The following GNG2 variants were observed in gnomAD, a reference collection of about 807,000 sequenced individuals.
The protein encoded by GNG2 is G protein subunit gamma 2.
GNG2 carries 5 observed loss-of-function variants against 5.5 expected under a neutral mutation model. That is an observed-to-expected ratio of 0.91 (90% confidence interval 0.48 to 1.92). GNG2 has a LOEUF of 1.92. GNG2 is among the 30% of genes most tolerant of loss of function. GNG2 has a pLI of 0.01. For synonymous variants in GNG2, 28 were observed against 32.0 expected (o/e 0.88, Z 0.42); for missense variants, 55 against 88.4 (o/e 0.62, Z 1.52).
intron 1 of GNG2, 108 bp from the exon 2 acceptor site, chr14:51,877,509 C>G: frequency 2.4e-6 from 1 of 423,750 alleles, no homozygotes; most frequent in Non-Finnish European, 4.7e-6. Flanking sequence ...ATTGCCATTA[C>G]CACCCACCCC....
At chr14:51,886,947 G>A (rs12894908) in intron 2 of GNG2, among the ~76,000 whole-genome samples, 15,090 of 152,170 alleles carry the variant, frequency 0.099, 1,291 homozygotes, top group African/African-American at 0.23. Context: ...CCTTCATCAC[G>A]GAAGTCTTGC....
chr14:51,899,889 G>A (rs768814338), intron 2 of GNG2, among the ~76,000 whole-genome samples: 3 of 152,174 alleles, frequency 2.0e-5, no homozygotes, highest in Non-Finnish European at 2.9e-5. Flanking sequence ...TATTTGTCAT[G>A]TTTTGTTTCC....
At chr14:51,852,512 T>C (rs114361759) in intron 2 of GNG2, among the ~76,000 whole-genome samples, 2,323 of 152,354 alleles carry the variant, frequency 0.015, 28 homozygotes, top group African/African-American at 0.049. Context: ...TGATAAGAGC[T>C]ATAACCAGGA....
intron 2 of GNG2, chr14:51,841,581 GC>G (rs1881483856): frequency 1.4e-6 from 1 of 701,128 alleles, no homozygotes; most frequent in Non-Finnish European, 2.6e-6. Flanking sequence ...AGGTAATCTG[GC>G]TTTGAAGTCC....
chr14:51,952,624 TCC>T (rs572885196), intron 3 of GNG2, among the ~76,000 whole-genome samples: 242 of 152,266 alleles, frequency 1.6e-3, no homozygotes, highest in African/African-American at 5.7e-3. Flanking sequence ...ATATTCAGCA[TCC>T]CCAGTTACTG....
chr14:51,873,690 G>T (rs1883455881), intron 1 of GNG2, among the ~76,000 whole-genome samples: 2 of 152,252 alleles, frequency 1.3e-5, no homozygotes, highest in Admixed American at 1.3e-4. Context: ...CTTGTGGAGT[G>T]TCTTGTGTGC....
chr14:51,891,408 A>G, intron 2 of GNG2, among the ~76,000 whole-genome samples: 1 of 152,214 alleles, frequency 6.6e-6, no homozygotes, highest in Non-Finnish European at 1.5e-5. Context: ...ATGTGTATGT[A>G]TGTGTGTATA....
chr14:51,964,781 CG>C (rs1268447956), intron 3 of GNG2, among the ~76,000 whole-genome samples: 1 of 152,054 alleles, frequency 6.6e-6, no homozygotes, highest in Non-Finnish European at 1.5e-5. Context: ...GAAGGTGAGG[CG>C]GGAGGATGGC....
At chr14:51,946,138 A>T (rs774285820) in intron 2 of GNG2, among the ~76,000 whole-genome samples, 1 of 152,180 alleles carries the variant, frequency 6.6e-6, no homozygotes, top group African/African-American at 2.4e-5. Context: ...TTGACCCTCA[A>T]ATTCTGCAGA....
chr14:51,952,628 C>T (rs1889051783), intron 3 of GNG2, among the ~76,000 whole-genome samples: 1 of 152,154 alleles, frequency 6.6e-6, no homozygotes, highest in African/African-American at 2.4e-5. Context: ...TCAGCATCCC[C>T]AGTTACTGTT....
intron 2 of GNG2, among the ~76,000 whole-genome samples, chr14:51,892,149 AT>A (rs993679741): frequency 6.6e-6 from 1 of 152,066 alleles, no homozygotes; most frequent in Admixed American, 6.6e-5. Flanking sequence ...CTGGAAGTCT[AT>A]TTTTTTAAAC....
chr14:51,933,665 C>T (rs1225323403), intron 2 of GNG2, among the ~76,000 whole-genome samples: 4 of 152,102 alleles, frequency 2.6e-5, no homozygotes, highest in South Asian at 2.1e-4. Flanking sequence ...AGCCGCTGCT[C>T]GAGTGAAGGG....
At chr14:51,917,372 T>C (rs1458724321) in intron 2 of GNG2, 2 of 455,970 alleles carry the variant, frequency 4.4e-6, no homozygotes, top group East Asian at 1.4e-4. Flanking sequence ...TCGCATCCCA[T>C]TTGTCAGACA....
At chr14:51,917,465 T>G (rs1252250984) in intron 2 of GNG2, 3 of 455,580 alleles carry the variant, frequency 6.6e-6, no homozygotes, top group African/African-American at 6.0e-5. Context: ...GGGAGTGAGT[T>G]GGAACCTTAG....
intron 2 of GNG2, among the ~76,000 whole-genome samples, chr14:51,846,436 TTTG>T (rs1400755067): frequency 2.0e-5 from 3 of 152,196 alleles, no homozygotes; most frequent in African/African-American, 7.2e-5. Flanking sequence ...AGCAGCTAAA[TTTG>T]TTGTTAATTC....
rs1399223820 is a variant in GNG2 at position 51,904,203 on chromosome 14, C to G, written c.-30+26546C>G. Among the ~76,000 whole-genome samples the G allele has an allele frequency of 2.0e-5, 3 of 152,192 alleles. No homozygotes were observed. The East Asian group carries it at 5.8e-4, about 29-fold the overall frequency. ...TGCTCAAAAACTGCCACTGGAATTGCTGCCACAGCTGTCTCTGAAAGCCCA... is the reference window on the plus strand; with the variant it reads ...TGCTCAAAAACTGCCACTGGAATTGGTGCCACAGCTGTCTCTGAAAGCCCA... On this transcript the variant is annotated intron_variant, in intron 2 of 3. Transcript: ENST00000556766.
At position 51,883,984 on chromosome 14, in the gene GNG2, C is replaced by T. The variant is rs142370971; in HGVS notation, c.-30+6327C>T. Among the ~76,000 whole-genome samples, 9 of 152,062 alleles carry T rather than the reference C, an allele frequency of 5.9e-5. No individual in the cohort carries two copies. The East Asian group carries it at 1.7e-3, about 29-fold the overall frequency. On this transcript the variant is annotated intron_variant, in intron 2 of 3. Transcript: ENST00000556766. ...TAAAAATTCAAGTAGTAGGGACAGG[C>T]ATAAATGAAAAATAAAAGCGTTTTT...
chr14:51,913,940 T>C (rs565261297), intron 2 of GNG2, among the ~76,000 whole-genome samples: 1 of 152,336 alleles, frequency 6.6e-6, no homozygotes, highest in Admixed American at 6.5e-5. Context: ...AAATACCTTT[T>C]TCATACATAT....
intron 1 of GNG2, among the ~76,000 whole-genome samples, chr14:51,868,596 C>T (rs1333675087): frequency 2.0e-5 from 3 of 152,006 alleles, no homozygotes; most frequent in African/African-American, 7.3e-5. Flanking sequence ...AGGATTCAGC[C>T]ATGTAAAGAT....
Sources: allele counts gnomAD v4.1 joint callset (sites outside exome capture counted in the v4.1 genomes callset), GRCh38; gene constraint gnomAD v4.1.1; transcripts MANE v1.5; gene names NCBI Gene and HGNC (gene_info 2026-07-23, HGNC 2026-07-21).